MAP3K20: variants seen among roughly 807,000 people sequenced by gnomAD.
MAP3K20 encodes mitogen-activated protein kinase kinase kinase 20.
Under a neutral mutation model 85.7 loss-of-function variants are expected in MAP3K20, and 40 were observed. That is an observed-to-expected ratio of 0.47 (90% CI 0.36 to 0.61). The LOEUF (loss-of-function observed/expected upper bound fraction) is 0.61. Among genes scored for constraint, MAP3K20 ranks in the 20% least tolerant of loss-of-function variants. MAP3K20 has a pLI of 0.00. For missense variants in MAP3K20, 817 were observed against 961.7 expected (o/e 0.85, Z 1.99); for synonymous variants, 325 against 327.7 (o/e 0.99, Z 0.09).
intron 14 of MAP3K20, among the ~76,000 whole-genome samples, chr2:173,234,478 G>T (rs990180731): frequency 6.6e-6 from 1 of 152,298 alleles, no homozygotes; most frequent in East Asian, 1.9e-4. Context: ...TTGGCAACTG[G>T]GAGGAAAGGA....
At chr2:173,191,906 AT>A (rs1430842101) in intron 7 of MAP3K20, among the ~76,000 whole-genome samples, 1 of 152,246 alleles carries the variant, frequency 6.6e-6, no homozygotes, top group Non-Finnish European at 1.5e-5. Flanking sequence ...GGAATAGGTT[AT>A]ACCTGCATTA....
At chr2:173,195,188 T>TA (rs34601946) in intron 7 of MAP3K20, among the ~76,000 whole-genome samples, 2,562 of 122,722 alleles carry the variant, frequency 0.021, 54 homozygotes, top group African/African-American at 0.062. Context: ...AGCCTCTCTT[T>TA]AAAAAAAAAA....
chr2:173,120,574 A>G (rs1452411169), intron 2 of MAP3K20, among the ~76,000 whole-genome samples: 2 of 151,904 alleles, frequency 1.3e-5, no homozygotes, highest in African/African-American at 4.8e-5. Context: ...CCCACATGCA[A>G]TAAGGTGAAA....
At chr2:173,080,429 CTGGAGCCTGGGAAGTCCAGGTACATG>C (rs1218852267) in intron 1 of MAP3K20, among the ~76,000 whole-genome samples, 1 of 152,182 alleles carries the variant, frequency 6.6e-6, no homozygotes, top group Non-Finnish European at 1.5e-5. Flanking sequence ...GCTCATGGTT[CTGGAGCCTGGGAAGTCCAGGTACATG>C]GCTCTGGCAT....
intron 2 of MAP3K20, among the ~76,000 whole-genome samples, chr2:173,167,170 C>T (rs1251630354): frequency 2.6e-5 from 4 of 152,064 alleles, no homozygotes; most frequent in Non-Finnish European, 5.9e-5. Flanking sequence ...CCGCCTCGGC[C>T]TCCCAAAGTG....
chr2:173,239,349 A>T, intron 15 of MAP3K20, 55 bp from the exon 16 acceptor site: 1 of 1,409,922 alleles, frequency 7.1e-7, no homozygotes, highest in Non-Finnish European at 9.6e-7. Context: ...CATCTTCTTT[A>T]CATGAGAAGT....
At chr2:173,241,937 G>A (rs1402518805) in intron 16 of MAP3K20, among the ~76,000 whole-genome samples, 1 of 152,152 alleles carries the variant, frequency 6.6e-6, no homozygotes, top group Non-Finnish European at 1.5e-5. Flanking sequence ...AAGTTCTTCT[G>A]TCTCCAACAA....
chr2:173,181,495 G>T (rs190117091), intron 3 of MAP3K20, among the ~76,000 whole-genome samples: 1 of 152,008 alleles, frequency 6.6e-6, no homozygotes, highest in Non-Finnish European at 1.5e-5. Flanking sequence ...TTAAAAGTTA[G>T]ACATAAACTT....
chr2:173,182,774 T>G, intron 3 of MAP3K20, 80 bp from the exon 4 acceptor site: 1 of 1,011,194 alleles, frequency 9.9e-7, no homozygotes, highest in Non-Finnish European at 1.4e-6. Context: ...TTTAATGTAT[T>G]TTCTCAATGA....
intron 1 of MAP3K20, among the ~76,000 whole-genome samples, chr2:173,086,013 C>T (rs2106141378): frequency 6.6e-6 from 1 of 151,922 alleles, no homozygotes; most frequent in East Asian, 1.9e-4. Flanking sequence ...CCAGGCTGGT[C>T]TCGAACTCCT....
At chr2:173,227,709 T>G (rs1356509314) in intron 11 of MAP3K20, among the ~76,000 whole-genome samples, 4 of 152,134 alleles carry the variant, frequency 2.6e-5, no homozygotes, top group Non-Finnish European at 5.9e-5. Flanking sequence ...AAAAAATACT[T>G]CTTTCTCAAT....
At chr2:173,231,858 A>C (rs1367249993) in intron 12 of MAP3K20, among the ~76,000 whole-genome samples, 1 of 152,252 alleles carries the variant, frequency 6.6e-6, no homozygotes, top group Non-Finnish European at 1.5e-5. Context: ...ATTCCTGAGT[A>C]AACTGGTGCC....
intron 16 of MAP3K20, among the ~76,000 whole-genome samples, chr2:173,242,699 CTTTTTTTTTTTTT>C (rs68173816): frequency 1.2e-5 from 1 of 80,976 alleles, no homozygotes; most frequent in Non-Finnish European, 2.2e-5. Flanking sequence ...AGTAATCTTT[CTTTTTTTTTTTTT>C]TTTTTTTTTT....
chr2:173,207,400 G>C (rs1683724131), intron 9 of MAP3K20: 1 of 152,308 alleles, frequency 6.6e-6, no homozygotes, highest in Non-Finnish European at 1.5e-5. Flanking sequence ...TCTGAGGCAG[G>C]AGAATCACTT....
At chr2:173,260,973 T>C in intron 17 of MAP3K20, 90 bp from the exon 18 acceptor site, 4 of 1,158,202 alleles carry the variant, frequency 3.5e-6, no homozygotes, top group South Asian at 2.7e-5. Flanking sequence ...TATTTGCTAA[T>C]TGTGTATGGC....
At chr2:173,227,236 A>C (rs2119123) in intron 11 of MAP3K20, 564,616 of 657,230 alleles carry the variant, frequency 0.86, 244,120 homozygotes, top group Non-Finnish European at 0.88. Context: ...CACGCATGCA[A>C]ACAAGTGTTA....
intron 2 of MAP3K20, among the ~76,000 whole-genome samples, chr2:173,109,361 A>G (rs1189406212): frequency 1.3e-5 from 2 of 152,164 alleles, no homozygotes; most frequent in Non-Finnish European, 2.9e-5. Context: ...ACATCTGGTG[A>G]TTATAAAGGG....
At chr2:173,230,593 G>C (rs1268697298) in intron 12 of MAP3K20, among the ~76,000 whole-genome samples, 1 of 152,172 alleles carries the variant, frequency 6.6e-6, no homozygotes, top group Non-Finnish European at 1.5e-5. Context: ...TCCAAAAGAA[G>C]TCCTGCACTC....
chr2:173,234,576 T>C (rs1684601295), intron 14 of MAP3K20, among the ~76,000 whole-genome samples: 1 of 152,114 alleles, frequency 6.6e-6, no homozygotes, highest in South Asian at 2.1e-4. Context: ...AGCCGGATCT[T>C]GGAGGAATGA....
Sources: allele counts gnomAD v4.1 joint callset (sites outside exome capture counted in the v4.1 genomes callset), GRCh38; gene constraint gnomAD v4.1.1; transcripts MANE v1.5; gene names NCBI Gene and HGNC (gene_info 2026-07-23, HGNC 2026-07-21).